Variants in C5orf63 observed in about 807,000 individuals in gnomAD.
C5orf63 encodes glutaredoxin-like protein C5orf63.
In C5orf63, 18 loss-of-function variants were observed where a neutral mutation model predicts 13.3. That is an observed-to-expected ratio of 1.36 (90% CI 0.94 to 2.01). C5orf63 has a LOEUF of 2.01. Ranked by LOEUF, C5orf63 falls within the 30% of genes most tolerant of loss-of-function variation. The pLI, the probability that C5orf63 is intolerant of heterozygous loss-of-function variation, is 0.00. For synonymous variants in C5orf63, 38 were observed against 44.7 expected (o/e 0.85, Z 0.60); for missense variants, 118 against 127.7 (o/e 0.92, Z 0.36).
chr5:127,055,816 T>C (rs929657366), intron 3 of C5orf63, among the ~76,000 whole-genome samples: 1 of 152,222 alleles, frequency 6.6e-6, no homozygotes, highest in African/African-American at 2.4e-5. Flanking sequence ...TAGAAGAATC[T>C]AGATTGGGTT....
At chr5:127,052,524 C>A in intron 4 of C5orf63, 89 bp downstream of exon 4, 2 of 928,114 alleles carry the variant, frequency 2.2e-6, no homozygotes, top group Admixed American at 7.8e-5. Context: ...CATTTAATCT[C>A]TTTTCCTAAA....
At chr5:127,066,100 G>T (rs563970986) in intron 2 of C5orf63, among the ~76,000 whole-genome samples, 38 of 152,110 alleles carry the variant, frequency 2.5e-4, no homozygotes, top group African/African-American at 8.7e-4. Context: ...GCAAAAGCCT[G>T]TAAGTGAGGA....
At chr5:127,065,458 T>G (rs958582704) in intron 2 of C5orf63, among the ~76,000 whole-genome samples, 2 of 152,092 alleles carry the variant, frequency 1.3e-5, no homozygotes, top group Admixed American at 6.5e-5. Context: ...AATTTGGATA[T>G]GTAGAAAAAA....
At chr5:127,047,485 T>G (rs114616202), downstream of C5orf63, 2,893 of 520,218 alleles carry the variant, frequency 5.6e-3, 21 homozygotes, top group Non-Finnish European at 6.4e-3. Context: ...TTGCTGAAGA[T>G]CTGCAGGATT....
At chr5:127,066,447 G>A (rs1754339600) in intron 2 of C5orf63, among the ~76,000 whole-genome samples, 1 of 152,118 alleles carries the variant, frequency 6.6e-6, no homozygotes, top group Non-Finnish European at 1.5e-5. Flanking sequence ...AACAGAAACA[G>A]AGCCAACAGG....
downstream of C5orf63, chr5:127,047,550 T>A (rs944292015): frequency 2.0e-5 from 12 of 585,502 alleles, no homozygotes; most frequent in African/African-American, 2.1e-4. Flanking sequence ...GTAAGTTTAT[T>A]GAAGAGCTAT....
At chr5:127,071,774 A>G (rs978462770) in intron 1 of C5orf63, 89 bp from the exon 2 acceptor site, 2 of 152,224 alleles carry the variant, frequency 1.3e-5, no homozygotes, top group Non-Finnish European at 2.9e-5. Flanking sequence ...AGGTCCTGCT[A>G]TGTTTGAAAC....
chr5:127,060,638 C>A (rs1194096118), intron 2 of C5orf63, among the ~76,000 whole-genome samples: 1 of 152,212 alleles, frequency 6.6e-6, no homozygotes, highest in Non-Finnish European at 1.5e-5. Context: ...TTTCCCCTCC[C>A]TTGCCTTGGC....
intron 3 of C5orf63, among the ~76,000 whole-genome samples, chr5:127,057,726 G>C (rs888194565): frequency 6.6e-6 from 1 of 152,206 alleles, no homozygotes; most frequent in Non-Finnish European, 1.5e-5. Context: ...GTCAAACAAG[G>C]TGATGCTCTG....
intron 4 of C5orf63, 125 bp from the exon 5 acceptor site, chr5:127,052,072 G>A: frequency 2.7e-6 from 2 of 752,502 alleles, no homozygotes; most frequent in African/African-American, 1.8e-5. Context: ...TTTGTTTTAG[G>A]TCCACAGTGA....
At chr5:127,044,313 C>T (rs1419547133), downstream of C5orf63, 3 of 152,126 alleles carry the variant, frequency 2.0e-5, no homozygotes, top group Non-Finnish European at 4.4e-5. Context: ...CTCCTATGTG[C>T]TGCTTCTCCT....
chr5:127,065,310 C>T (rs1754286417), intron 2 of C5orf63, among the ~76,000 whole-genome samples: 1 of 152,036 alleles, frequency 6.6e-6, no homozygotes, highest in African/African-American at 2.4e-5. Context: ...TGTATATGAG[C>T]AGGTAAATTA....
downstream of C5orf63, among the ~76,000 whole-genome samples, chr5:127,049,821 T>C (rs1355390373): frequency 6.6e-6 from 1 of 152,328 alleles, no homozygotes; most frequent in Non-Finnish European, 1.5e-5. Flanking sequence ...GAAATCAAGA[T>C]GTTGGTCAAG....
chr5:127,044,625 T>A (rs1243618672), downstream of C5orf63: 6 of 152,124 alleles, frequency 3.9e-5, no homozygotes, highest in Non-Finnish European at 5.9e-5. Flanking sequence ...ACAAGAGTCA[T>A]GGGTCTGGTG....
At chr5:127,059,149 T>C in intron 2 of C5orf63, 147 bp from the exon 3 acceptor site, 1 of 627,338 alleles carries the variant, frequency 1.6e-6, no homozygotes, top group Non-Finnish European at 2.8e-6. Context: ...ACCTATAAAT[T>C]TGGCAAGTCT....
chr5:127,062,395 T>C (rs1240626687), intron 2 of C5orf63, among the ~76,000 whole-genome samples: 1 of 152,234 alleles, frequency 6.6e-6, no homozygotes, highest in Non-Finnish European at 1.5e-5. Flanking sequence ...TTTTACTACC[T>C]GCATATTCTT....
intron 3 of C5orf63, among the ~76,000 whole-genome samples, chr5:127,053,365 T>C (rs201673737): frequency 7.2e-6 from 1 of 139,826 alleles, no homozygotes; most frequent in Non-Finnish European, 1.5e-5. Flanking sequence ...ATTTTATTTA[T>C]TTTATTTTAT....
rs73783518 is a variant in C5orf63, at chr5:127,052,473, C to A, written c.171+140G>T. ...GAGTTTTATGGTAATAAGCACTAAACTCTCTCTCTGAAGAACAGAAAGAAA... is the reference window on the plus strand; with the variant it reads ...GAGTTTTATGGTAATAAGCACTAAAATCTCTCTCTGAAGAACAGAAAGAAA... On this transcript the variant is annotated intron_variant, in intron 4 of 4. Transcript: ENST00000296662. 5.0e-3 allele frequency: 2,885 copies of A among 578,096 alleles called. 42 individuals carry two copies. Among genetic ancestry groups the A allele is most frequent in the African/African-American group, 0.029 (1,528 of 51,810 alleles). The allele number at this position is 578,096 out of a possible 1,614,324, so 35.8% of individuals were successfully genotyped here.
intron 2 of C5orf63, among the ~76,000 whole-genome samples, chr5:127,060,734 T>C (rs961569907): frequency 1.3e-5 from 2 of 152,218 alleles, no homozygotes; most frequent in Non-Finnish European, 1.5e-5. Flanking sequence ...TACTTCTGCA[T>C]GAAAAGCTCT....
Sources: gnomAD v4.1 joint callset for allele counts (sites outside exome capture counted in the v4.1 genomes callset) on GRCh38, gnomAD v4.1.1 for gene constraint, MANE v1.5 for transcripts, NCBI Gene and HGNC (gene_info 2026-07-23, HGNC 2026-07-21) for gene names.